The following ACVR1 variants were observed in gnomAD, a reference collection of about 807,000 sequenced individuals.
ACVR1 encodes activin A receptor type 1, also known as activin receptor type-1.
In ACVR1, 38 loss-of-function variants were observed where a neutral mutation model predicts 57.1. That is an observed-to-expected ratio of 0.67 (90% confidence interval 0.51 to 0.87). The LOEUF is 0.87. Ranked by LOEUF, ACVR1 falls within the 40% of genes least tolerant of loss-of-function variation. ACVR1 has a pLI of 0.00. For synonymous variants in ACVR1, 212 were observed against 228.1 expected, an observed-to-expected ratio of 0.93 and a Z score of 0.63; for missense variants, 463 against 638.2, an observed-to-expected ratio of 0.73 and a Z score of 2.96.
rs1471416772 is a variant in ACVR1, at chr2:157,737,427, G to A, written c.*104C>T. On this transcript the variant is annotated 3_prime_UTR_variant, in exon 11 of 11. Transcript: ENST00000434821. Reference sequence around the variant, plus strand: ...CCTTGTCAAAGCAGCCATTTGGGGAGGGAGACAGATGGATTCCATTCTGAC... The same window carrying A: ...CCTTGTCAAAGCAGCCATTTGGGGAAGGAGACAGATGGATTCCATTCTGAC... 1.9e-5 allele frequency: 27 copies of A among 1,456,630 alleles called. No individual in the cohort carries two copies. The highest frequency in any genetic ancestry group is 2.5e-5 in the Non-Finnish European group (26 of 1,061,036). 90.2% of individuals were successfully genotyped at this position (1,456,630 alleles called of 1,614,324 possible). A position where few individuals can be genotyped will look rare whatever the true frequency, so the allele number is the denominator to read the frequency against.
At chr2:157,840,346 C>G (rs1449373555) in intron 1 of ACVR1, among the ~76,000 whole-genome samples, 1 of 152,170 alleles carries the variant, frequency 6.6e-6, no homozygotes, top group Non-Finnish European at 1.5e-5. Flanking sequence ...CAAACGCAAA[C>G]GAACGCATAA....
intron 3 of ACVR1, 82 bp downstream of exon 3, chr2:157,799,345 G>T: frequency 2.2e-6 from 2 of 913,176 alleles, no homozygotes; most frequent in Non-Finnish European, 3.6e-6. Context: ...AAGTTTGATA[G>T]GCTTAAGAAG....
intron 2 of ACVR1, among the ~76,000 whole-genome samples, chr2:157,813,595 T>C (rs758214123): frequency 6.6e-6 from 1 of 152,160 alleles, no homozygotes; most frequent in Non-Finnish European, 1.5e-5. Context: ...AGGACCCAGA[T>C]ACAGCAGCAA....
At chr2:157,760,213 T>G (rs1233994274) in intron 9 of ACVR1, among the ~76,000 whole-genome samples, 1 of 152,114 alleles carries the variant, frequency 6.6e-6, no homozygotes, top group African/African-American at 2.4e-5. Context: ...CAGCCAGTTA[T>G]CACTCATATG....
intron 1 of ACVR1, among the ~76,000 whole-genome samples, chr2:157,863,435 G>A (rs1034739649): frequency 2.5e-5 from 3 of 120,192 alleles, no homozygotes; most frequent in African/African-American, 6.4e-5. Context: ...AGTGGCTCAC[G>A]CCTGTAATCC....
intron 9 of ACVR1, among the ~76,000 whole-genome samples, chr2:157,741,832 T>C (rs193055326): frequency 3.1e-4 from 47 of 152,020 alleles, no homozygotes; most frequent in African/African-American, 1.1e-3. Context: ...ATATATAAAC[T>C]GGGTGCCGTG....
intron 1 of ACVR1, among the ~76,000 whole-genome samples, chr2:157,832,008 C>T (rs978201919): frequency 6.6e-6 from 1 of 152,112 alleles, no homozygotes; most frequent in Non-Finnish European, 1.5e-5. Flanking sequence ...ACAACTTAGA[C>T]CTCGAGTACA....
At chr2:157,770,719 T>C (rs1168982170) in intron 6 of ACVR1, among the ~76,000 whole-genome samples, 2 of 152,338 alleles carry the variant, frequency 1.3e-5, no homozygotes, top group African/African-American at 4.8e-5. Context: ...AGGTGGAAGC[T>C]GCCCCTCTCA....
At chr2:157,820,283 C>T (rs1260948123) in intron 1 of ACVR1, among the ~76,000 whole-genome samples, 2 of 152,174 alleles carry the variant, frequency 1.3e-5, no homozygotes, top group African/African-American at 4.8e-5. Flanking sequence ...TCCTTAAAAA[C>T]AAACTCGCAC....
chr2:157,772,842 CAG>C (rs1490515663), intron 6 of ACVR1, among the ~76,000 whole-genome samples: 1 of 152,222 alleles, frequency 6.6e-6, no homozygotes, highest in African/African-American at 2.4e-5. Context: ...AAGCAGCAAA[CAG>C]TGACAATAGC....
intron 1 of ACVR1, among the ~76,000 whole-genome samples, chr2:157,835,898 C>T (rs566727043): frequency 6.6e-6 from 1 of 152,298 alleles, no homozygotes; most frequent in South Asian, 2.1e-4. Context: ...AGCCAACAAC[C>T]CTTTAATTTA....
intron 1 of ACVR1, among the ~76,000 whole-genome samples, chr2:157,831,959 T>C (rs1293463915): frequency 6.6e-6 from 1 of 152,178 alleles, no homozygotes; most frequent in East Asian, 1.9e-4. Context: ...AAACTGTTAT[T>C]TTAAAAATCA....
At chr2:157,744,834 C>T (rs1354511966) in intron 9 of ACVR1, among the ~76,000 whole-genome samples, 2 of 152,178 alleles carry the variant, frequency 1.3e-5, no homozygotes, top group Admixed American at 6.5e-5. Flanking sequence ...GATGACAGCC[C>T]GAGTTCTGGC....
intron 3 of ACVR1, among the ~76,000 whole-genome samples, chr2:157,791,125 C>G (rs371845241): frequency 6.6e-6 from 1 of 152,234 alleles, no homozygotes; most frequent in African/African-American, 2.4e-5. Flanking sequence ...GGAATGCAGG[C>G]CTTTCCTGTC....
intron 1 of ACVR1, among the ~76,000 whole-genome samples, chr2:157,827,567 C>A (rs541687407): frequency 3.3e-5 from 5 of 152,324 alleles, no homozygotes; most frequent in African/African-American, 9.6e-5. Context: ...TTACTTATCT[C>A]TGATTGTGTA....
chr2:157,802,328 G>C (rs141527993), intron 2 of ACVR1, among the ~76,000 whole-genome samples: 1 of 152,156 alleles, frequency 6.6e-6, no homozygotes, highest in Non-Finnish European at 1.5e-5. Flanking sequence ...CAAACCTCAG[G>C]ATTGAAAAAA....
At chr2:157,743,672 T>C (rs1684861498) in intron 9 of ACVR1, among the ~76,000 whole-genome samples, 1 of 151,288 alleles carries the variant, frequency 6.6e-6, no homozygotes, top group South Asian at 2.1e-4. Context: ...AATATATTTC[T>C]TCAGCAAAAT....
chr2:157,817,397 G>C (rs1411018259), intron 2 of ACVR1, among the ~76,000 whole-genome samples: 1 of 152,162 alleles, frequency 6.6e-6, no homozygotes, highest in Non-Finnish European at 1.5e-5. Flanking sequence ...AAATGAATAG[G>C]TAGAACACGG....
chr2:157,838,087 T>C (rs1688848876), intron 1 of ACVR1, among the ~76,000 whole-genome samples: 1 of 150,348 alleles, frequency 6.7e-6, no homozygotes, highest in Non-Finnish European at 1.5e-5. Flanking sequence ...AAGAAAGCTT[T>C]TCCCCCCCTC....
Sources: gnomAD v4.1 joint callset for allele counts (sites outside exome capture counted in the v4.1 genomes callset) on GRCh38, gnomAD v4.1.1 for gene constraint, MANE v1.5 for transcripts, NCBI Gene and HGNC (gene_info 2026-07-23, HGNC 2026-07-21) for gene names.